CFAP70: variants seen among roughly 807,000 people sequenced by gnomAD.
The protein encoded by CFAP70 is cilia and flagella associated protein 70.
Under a neutral mutation model 137.6 loss-of-function variants are expected in CFAP70, and 81 were observed. The ratio of observed to expected loss-of-function variants is 0.59; its 90% confidence interval spans 0.49 to 0.71. The LOEUF (loss-of-function observed/expected upper bound fraction) is 0.71. CFAP70 is among the 30% of genes least tolerant of loss of function. The pLI is 0.00. For missense variants in CFAP70, 976 were observed against 1,226.7 expected, an observed-to-expected ratio of 0.80 and a Z score of 3.05; for synonymous variants, 382 against 423.6, an observed-to-expected ratio of 0.90 and a Z score of 1.20.
At chr10:73,338,549 G>T (rs934942864) in intron 6 of CFAP70, among the ~76,000 whole-genome samples, 2 of 150,692 alleles carry the variant, frequency 1.3e-5, no homozygotes. Flanking sequence ...TCCTACCTCA[G>T]CCTCCCGAGT....
chr10:73,258,498 C>T (rs2133537256), intron 25 of CFAP70, among the ~76,000 whole-genome samples: 1 of 152,304 alleles, frequency 6.6e-6, no homozygotes, highest in East Asian at 1.9e-4. Flanking sequence ...ACGTTATCTG[C>T]ACAAATTGTT....
At chr10:73,293,906 T>TA (rs1200192299) in intron 15 of CFAP70, 1 of 152,020 alleles carries the variant, frequency 6.6e-6, no homozygotes, top group Non-Finnish European at 1.5e-5. Context: ...AACAAAAAGG[T>TA]AGGAGGAAAA....
chr10:73,293,373 C>T (rs1267511581), exon 16 of CFAP70: 1 of 1,602,316 alleles, frequency 6.2e-7, no homozygotes, highest in Admixed American at 1.7e-5. Context: ...GTGCCTTGGA[C>T]ATCATCTGGC....
upstream of CFAP70, among the ~76,000 whole-genome samples, chr10:73,360,495 C>T (rs1020085637): frequency 6.6e-6 from 1 of 152,130 alleles, no homozygotes; most frequent in Admixed American, 6.5e-5. Flanking sequence ...TCTATACATT[C>T]GAGATCATTT....
intron 16 of CFAP70, among the ~76,000 whole-genome samples, chr10:73,292,842 T>C (rs1011255851): frequency 6.6e-6 from 1 of 152,118 alleles, no homozygotes; most frequent in Non-Finnish European, 1.5e-5. Flanking sequence ...AGCAAAGTTA[T>C]CCATTTATCA....
upstream of CFAP70, among the ~76,000 whole-genome samples, chr10:73,360,842 C>G (rs1169187025): frequency 6.6e-6 from 1 of 152,140 alleles, no homozygotes; most frequent in Non-Finnish European, 1.5e-5. Flanking sequence ...TAATAGGGAG[C>G]TGTTCTTCCA....
intron 8 of CFAP70, among the ~76,000 whole-genome samples, chr10:73,323,695 G>A (rs1284047836): frequency 6.6e-6 from 1 of 152,224 alleles, no homozygotes; most frequent in Non-Finnish European, 1.5e-5. Flanking sequence ...GGCTTGGAGG[G>A]TCCTATGCCC....
intron 19 of CFAP70, among the ~76,000 whole-genome samples, chr10:73,283,723 T>G (rs917587777): frequency 4.6e-5 from 7 of 152,158 alleles, no homozygotes; most frequent in Non-Finnish European, 8.8e-5. Flanking sequence ...TATCACTATA[T>G]TTGTTTGTGG....
intron 9 of CFAP70, among the ~76,000 whole-genome samples, chr10:73,316,481 GATATAGATATAT>G (rs2050362930): frequency 1.9e-5 from 2 of 106,550 alleles, no homozygotes; most frequent in African/African-American, 7.1e-5. Context: ...TATATATATA[GATATAGATATAT>G]ATATATATAT....
At chr10:73,315,754 C>T (rs2050289182) in intron 9 of CFAP70, among the ~76,000 whole-genome samples, 1 of 152,090 alleles carries the variant, frequency 6.6e-6, no homozygotes, top group Admixed American at 6.6e-5. Flanking sequence ...TTTGTAGAGA[C>T]AGAGTTTTGC....
chr10:73,285,950 T>C (rs1463980061), intron 19 of CFAP70, among the ~76,000 whole-genome samples: 1 of 152,048 alleles, frequency 6.6e-6, no homozygotes, highest in African/African-American at 2.4e-5. Flanking sequence ...CTATATTTTC[T>C]TGCATGGGTA....
At chr10:73,299,942 C>T (rs754585591) in intron 12 of CFAP70, among the ~76,000 whole-genome samples, 232 of 152,126 alleles carry the variant, frequency 1.5e-3, no homozygotes, top group Admixed American at 3.5e-3. Context: ...CTGGCTTTAC[C>T]CTTACGTATT....
chr10:73,351,039 G>A (rs1189895885), intron 3 of CFAP70, among the ~76,000 whole-genome samples: 5 of 127,628 alleles, frequency 3.9e-5, no homozygotes, highest in African/African-American at 1.5e-4. Flanking sequence ...GTATATGTGT[G>A]TATATATGTG....
chr10:73,349,320 A>C (rs972987178), intron 3 of CFAP70, among the ~76,000 whole-genome samples: 1 of 152,062 alleles, frequency 6.6e-6, no homozygotes, highest in African/African-American at 2.4e-5. Flanking sequence ...CGGGCAGATC[A>C]CGAGGTCAGG....
At chr10:73,309,842 A>G (rs2049759979) in intron 12 of CFAP70, among the ~76,000 whole-genome samples, 1 of 151,848 alleles carries the variant, frequency 6.6e-6, no homozygotes, top group Non-Finnish European at 1.5e-5. Flanking sequence ...ATTTTAGTAG[A>G]GACGGGGTTT....
intron 19 of CFAP70, among the ~76,000 whole-genome samples, chr10:73,279,865 GAGAAA>G (rs1228852821): frequency 6.6e-6 from 1 of 151,310 alleles, no homozygotes; most frequent in African/African-American, 2.4e-5. Context: ...CTTAAAAAAA[GAGAAA>G]AGAAAAGAAA....
chr10:73,284,802 A>G (rs1171226142), intron 19 of CFAP70, among the ~76,000 whole-genome samples: 2 of 89,152 alleles, frequency 2.2e-5, no homozygotes, highest in East Asian at 2.9e-4. Flanking sequence ...ATATATATAT[A>G]TAAAAGTTGT....
At chr10:73,259,370 A>T (rs1345521416) in intron 25 of CFAP70, among the ~76,000 whole-genome samples, 1 of 152,180 alleles carries the variant, frequency 6.6e-6, no homozygotes, top group Non-Finnish European at 1.5e-5. Context: ...CTTACTAGTG[A>T]CACAGAGCTT....
chr10:73,256,443 G>T (rs2044501685), intron 25 of CFAP70, 27 bp from the exon 27 acceptor site: 1 of 1,613,696 alleles, frequency 6.2e-7, no homozygotes, highest in Admixed American at 1.7e-5. Flanking sequence ...AGTTGGTGAT[G>T]ATGACAGGTC....
Sources: gnomAD v4.1 joint callset for allele counts (sites outside exome capture counted in the v4.1 genomes callset) on GRCh38, gnomAD v4.1.1 for gene constraint, MANE v1.5 for transcripts, NCBI Gene and HGNC (gene_info 2026-07-23, HGNC 2026-07-21) for gene names.